Variants in FGF12 observed in about 807,000 individuals in gnomAD.
FGF12 encodes the protein fibroblast growth factor 12, also known as fibroblast growth factor 12B.
FGF12 carries 14 observed loss-of-function variants against 23.6 expected under a neutral mutation model. That is an observed-to-expected ratio of 0.59 (90% CI 0.39 to 0.93). The LOEUF is 0.93. FGF12 is among the 40% of genes least tolerant of loss of function. FGF12 has a pLI of 0.00. For missense variants in FGF12, 175 were observed against 217.8 expected, an observed-to-expected ratio of 0.80 and a Z score of 1.24; for synonymous variants, 62 against 77.3, an observed-to-expected ratio of 0.80 and a Z score of 1.04.
At chr3:192,684,743 G>A (rs1031749832) in intron 2 of FGF12, among the ~76,000 whole-genome samples, 1 of 152,098 alleles carries the variant, frequency 6.6e-6, no homozygotes, top group East Asian at 1.9e-4. Context: ...TAGTTGTCAT[G>A]ACTTATATTT....
intron 4 of FGF12, among the ~76,000 whole-genome samples, chr3:192,260,313 A>G (rs192799157): frequency 2.3e-4 from 35 of 152,276 alleles, no homozygotes; most frequent in Admixed American, 1.8e-3. Context: ...TTGTTTGCCA[A>G]TGAAGACAAA....
At chr3:192,700,856 A>G (rs755940656) in intron 2 of FGF12, among the ~76,000 whole-genome samples, 2 of 152,202 alleles carry the variant, frequency 1.3e-5, no homozygotes, top group African/African-American at 4.8e-5. Context: ...TGTAGCAATA[A>G]AATTCCAACA....
chr3:192,641,404 C>CT (rs1186966084), intron 2 of FGF12, among the ~76,000 whole-genome samples: 1,077 of 30,272 alleles, frequency 0.036, 204 homozygotes, highest in African/African-American at 0.099. Context: ...CGCGCCCGGC[C>CT]TTTTTTTTTT....
chr3:192,614,131 C>T (rs1033523483), intron 2 of FGF12, among the ~76,000 whole-genome samples: 14 of 151,938 alleles, frequency 9.2e-5, no homozygotes, highest in African/African-American at 3.1e-4. Context: ...CAATGTAGCA[C>T]TCTGTATATC....
Position 192,335,739 on chromosome 3 carries a change from G to A in FGF12, c.125-275C>T, listed in dbSNP as rs180989212. Among the ~76,000 whole-genome samples, 14 of 152,126 alleles carry A rather than the reference G, an allele frequency of 9.2e-5. No individual in the cohort carries two copies. The East Asian group carries it at 2.5e-3, about 27-fold the overall frequency. On this transcript the variant is annotated intron_variant, in intron 3 of 5. Coordinates refer to ENST00000445105, the MANE Select transcript of FGF12 (RefSeq NM_004113.6). ...GGCCCAGCTGGATCTGAGATTTCAG[G>A]ATCCCTGATCCTTAAAATGATCCTC...
intron 5 of FGF12, among the ~76,000 whole-genome samples, chr3:192,155,345 T>C (rs1024680145): frequency 2.0e-5 from 3 of 152,206 alleles, no homozygotes; most frequent in Admixed American, 6.5e-5. Context: ...TTTGAAACTT[T>C]TATGAGTTGT....
chr3:192,470,812 A>G (rs1723151250), intron 2 of FGF12, among the ~76,000 whole-genome samples: 2 of 152,166 alleles, frequency 1.3e-5, no homozygotes, highest in Admixed American at 6.5e-5. Context: ...ATTTTACGCC[A>G]GTCACTGTAG....
At chr3:192,524,698 A>G (rs561102380) in intron 2 of FGF12, among the ~76,000 whole-genome samples, 1 of 152,344 alleles carries the variant, frequency 6.6e-6, no homozygotes, top group Non-Finnish European at 1.5e-5. Flanking sequence ...CCACTCTCAC[A>G]TACCAGGCAA....
rs563119601 is a variant in FGF12 at position 192,227,364 on chromosome 3, T to C, written c.229-56708A>G. On this transcript the variant is annotated intron_variant, in intron 4 of 5. Transcript: ENST00000445105. The stretch of plus-strand genomic sequence containing the variant: ...ACCCTGTGCCTCTCACCTTGGTTTA[T>C]GAGATATCCTTTCCTTTGCTTTTAT... Among the ~76,000 whole-genome samples the C allele has an allele frequency of 5.9e-5, 9 of 152,236 alleles. No homozygotes were observed. In the South Asian group the frequency reaches 1.9e-3, roughly 32 times the overall value.
At chr3:192,442,998 G>A (rs1168863681) in intron 2 of FGF12, among the ~76,000 whole-genome samples, 7 of 151,828 alleles carry the variant, frequency 4.6e-5, no homozygotes, top group East Asian at 1.9e-4. Context: ...TAGTAGAGAC[G>A]GGGTTTCACC....
intron 2 of FGF12, among the ~76,000 whole-genome samples, chr3:192,455,971 G>A (rs865968145): frequency 6.6e-6 from 1 of 152,308 alleles, no homozygotes; most frequent in Admixed American, 6.5e-5. Context: ...GTGGGGCCTT[G>A]CAGAGGTGGT....
At chr3:192,675,621 A>G (rs535325605) in intron 2 of FGF12, among the ~76,000 whole-genome samples, 2 of 152,330 alleles carry the variant, frequency 1.3e-5, no homozygotes, top group African/African-American at 4.8e-5. Context: ...TGCCTGTCTT[A>G]TAGATGAGGA....
chr3:192,210,677 G>A (rs557766850), intron 4 of FGF12, among the ~76,000 whole-genome samples: 10 of 152,216 alleles, frequency 6.6e-5, no homozygotes, highest in Admixed American at 3.3e-4. Context: ...TCTACATATC[G>A]GATATAGCAA....
intron 4 of FGF12, among the ~76,000 whole-genome samples, chr3:192,308,377 A>T (rs2108667930): frequency 6.6e-6 from 1 of 152,286 alleles, no homozygotes; most frequent in Non-Finnish European, 1.5e-5. Context: ...AATATATTTA[A>T]AATTTAAAAT....
chr3:192,245,366 C>T (rs368070395), intron 4 of FGF12, among the ~76,000 whole-genome samples: 1 of 152,208 alleles, frequency 6.6e-6, no homozygotes, highest in South Asian at 2.1e-4. Flanking sequence ...TATCCTCCTG[C>T]CTTGGCCTCC....
Position 192,482,558 on chromosome 3 carries a change from T to C in FGF12, c.14-122020A>G, listed in dbSNP as rs191911662. Among the ~76,000 whole-genome samples, 360 of 152,180 alleles carry C rather than the reference T, an allele frequency of 2.4e-3. 2 individuals carry two copies. Among genetic ancestry groups the C allele is most frequent in the Middle Eastern group, 6.8e-3 (2 of 294 alleles). On this transcript the variant is annotated intron_variant, in intron 2 of 5. Transcript: ENST00000445105. ...CTGAGGCATGAGAATGACTTGAAAC[T>C]GGGAGGTGGATGTTGCAATGAGCCA...
At chr3:192,586,073 T>TACTAAACACATGTA (rs1713362492) in intron 2 of FGF12, among the ~76,000 whole-genome samples, 1 of 152,060 alleles carries the variant, frequency 6.6e-6, no homozygotes, top group South Asian at 2.1e-4. Flanking sequence ...ACATAAAAAT[T>TACTAAACACATGTA]AACCAAGTGT....
At chr3:192,249,428 T>C (rs1184445746) in intron 4 of FGF12, among the ~76,000 whole-genome samples, 1 of 152,162 alleles carries the variant, frequency 6.6e-6, no homozygotes, top group Non-Finnish European at 1.5e-5. Context: ...CCACAGAATA[T>C]TTAAAATATA....
intron 4 of FGF12, among the ~76,000 whole-genome samples, chr3:192,296,228 A>T (rs377754615): frequency 0.068 from 9,079 of 132,920 alleles, 340 homozygotes; most frequent in South Asian, 0.096. Flanking sequence ...ATTTTATTTT[A>T]TTTTTTTTTT....
Sources: allele counts gnomAD v4.1 joint callset (sites outside exome capture counted in the v4.1 genomes callset), GRCh38; gene constraint gnomAD v4.1.1; transcripts MANE v1.5; gene names NCBI Gene and HGNC (gene_info 2026-07-23, HGNC 2026-07-21).